DDX46: variants seen among roughly 807,000 people sequenced by gnomAD.
DDX46 encodes DEAD-box helicase 46, also known as probable ATP-dependent RNA helicase DDX46.
DDX46 carries 30 observed loss-of-function variants against 134.9 expected under a neutral mutation model. That is an observed-to-expected ratio of 0.22 (90% CI 0.17 to 0.30). DDX46 has a LOEUF of 0.30. Among genes scored for constraint, DDX46 ranks in the 10% least tolerant of loss-of-function variants. The pLI is 1.00. For synonymous variants in DDX46, 415 were observed against 404.1 expected, an observed-to-expected ratio of 1.03 and a Z score of -0.32; for missense variants, 622 against 1,248.7, an observed-to-expected ratio of 0.50 and a Z score of 7.56.
rs1357446188 is a variant in DDX46 at position 134,764,081 on chromosome 5, G to C, written c.195G>C (p.Arg65Ser). Reference protein sequence around the residue: ...RDKRRSRSRDRKRLRRSRSRE... With the variant: ...RDKRRSRSRDSKRLRRSRSRE... The stretch of plus-strand genomic sequence containing the variant: ...AAAGAAGATCTCGGTCAAGGGACAG[G>C]AAGCGTCTGAGGTAAGACATTAATT... Residue 65 changes from arginine (R) to serine (S), a missense_variant, in exon 2 of 23, where the codon AGG (arginine) becomes AGC (serine). By Grantham distance (110) the Arg-to-Ser change is moderately radical. Transcript: ENST00000452510. 1.9e-6 allele frequency: 3 copies of C among 1,612,500 alleles called. No individual in the cohort carries two copies. Among genetic ancestry groups the C allele is most frequent in the Non-Finnish European group, 2.5e-6 (3 of 1,179,284 alleles).
At chr5:134,781,091 T>A (rs1166838804) in intron 6 of DDX46, 42 bp from the exon 7 acceptor site, 1 of 1,434,594 alleles carries the variant, frequency 7.0e-7, no homozygotes, top group Non-Finnish European at 9.4e-7. Context: ...ATAACTTGTG[T>A]TTCAGCTTTG....
chr5:134,795,861 TC>T, intron 14 of DDX46, 126 bp from the exon 15 acceptor site: 1 of 890,118 alleles, frequency 1.1e-6, no homozygotes, highest in Non-Finnish European at 1.7e-6. Flanking sequence ...ATCAACATCT[TC>T]CTAGCCCTTG....
At chr5:134,761,952 GAAT>G (rs1753400102) in intron 1 of DDX46, among the ~76,000 whole-genome samples, 1 of 151,906 alleles carries the variant, frequency 6.6e-6, no homozygotes, top group African/African-American at 2.4e-5. Flanking sequence ...TCAGCAACCA[GAAT>G]AATACTTTAA....
chr5:134,765,521 C>G (rs1471549883), intron 2 of DDX46, among the ~76,000 whole-genome samples: 2 of 151,888 alleles, frequency 1.3e-5, no homozygotes, highest in East Asian at 1.9e-4. Context: ...CCACTGTACT[C>G]CAGCCTGGGC....
intron 1 of DDX46, among the ~76,000 whole-genome samples, chr5:134,759,248 T>C (rs1238657999): frequency 2.0e-5 from 3 of 152,256 alleles, no homozygotes; most frequent in African/African-American, 7.2e-5. Flanking sequence ...GAGCCTGCCC[T>C]GATTACTTCA....
chr5:134,774,160 C>T (rs527471984), intron 5 of DDX46, among the ~76,000 whole-genome samples: 25 of 152,116 alleles, frequency 1.6e-4, no homozygotes, highest in Admixed American at 4.6e-4. Context: ...TATTTTCTGT[C>T]TCTGAATTTG....
intron 15 of DDX46, among the ~76,000 whole-genome samples, chr5:134,801,982 A>T (rs1580806202): frequency 6.6e-6 from 1 of 151,668 alleles, no homozygotes; most frequent in African/African-American, 2.4e-5. Flanking sequence ...AGAATCTGTA[A>T]ATTTATGTCC....
chr5:134,770,575 G>A (rs191328285), intron 3 of DDX46, among the ~76,000 whole-genome samples: 1 of 152,130 alleles, frequency 6.6e-6, no homozygotes, highest in Non-Finnish European at 1.5e-5. Flanking sequence ...ACATTGAGAG[G>A]CTGAGGTGGG....
At chr5:134,782,233 C>A in intron 8 of DDX46, 147 bp downstream of exon 8, 1 of 880,872 alleles carries the variant, frequency 1.1e-6, no homozygotes, top group Non-Finnish European at 1.6e-6. Context: ...TGGCCAGCTG[C>A]GGTGGCTCAC....
rs369977056 is a variant in DDX46 at position 134,763,897 on chromosome 5, G to T, written c.18-7G>T. On this transcript the variant is annotated splice_polypyrimidine_tract_variant and splice_region_variant and intron_variant, in intron 1 of 22. Transcript: ENST00000452510. ...TGCTGAACTTAATCTTTGACTTATT[G>T]TTCTAGCCACTATCGAAAACGATCG... The T allele has an allele frequency of 1.2e-6, 2 of 1,612,770 alleles. No homozygotes were observed. Among genetic ancestry groups the T allele is most frequent in the African/African-American group, 2.7e-5 (2 of 74,882 alleles).
chr5:134,766,693 C>G (rs1271220932), intron 2 of DDX46, among the ~76,000 whole-genome samples: 1 of 152,174 alleles, frequency 6.6e-6, no homozygotes, highest in African/African-American at 2.4e-5. Context: ...TGCACTCCAG[C>G]CTGGGTGACA....
At chr5:134,817,087 T>C (rs1044090838) in intron 19 of DDX46, 1 of 182,246 alleles carries the variant, frequency 5.5e-6, no homozygotes, top group African/African-American at 2.4e-5. Context: ...CTATAACGTT[T>C]GTAATGTTGG....
At chr5:134,814,363 T>G (rs942140602) in intron 18 of DDX46, among the ~76,000 whole-genome samples, 1 of 152,156 alleles carries the variant, frequency 6.6e-6, no homozygotes, top group Non-Finnish European at 1.5e-5. Context: ...TAAAATACGG[T>G]GATTGTTTCT....
chr5:134,818,205 C>T (rs1271288227), intron 20 of DDX46, among the ~76,000 whole-genome samples: 3 of 151,398 alleles, frequency 2.0e-5, no homozygotes, highest in Admixed American at 1.3e-4. Flanking sequence ...GTCATCTGCC[C>T]GCCTCGGCCT....
intron 8 of DDX46, 28 bp downstream of exon 8, chr5:134,782,114 T>G: frequency 6.4e-7 from 1 of 1,564,098 alleles, no homozygotes; most frequent in Non-Finnish European, 8.6e-7. Context: ...CATTTACTGG[T>G]TATAAGGGAA....
At position 134,829,401 on chromosome 5, in the gene DDX46, C is replaced by T. The variant is rs1580827473; in HGVS notation, c.*695C>T. ...TCACAACTTCTGGCTCCATACCTAGCCCCTCTTTTATAATCTTCCTTAAAA... is the reference window on the plus strand; with the variant it reads ...TCACAACTTCTGGCTCCATACCTAGTCCCTCTTTTATAATCTTCCTTAAAA... On this transcript the variant is annotated 3_prime_UTR_variant, in exon 23 of 23. Transcript: ENST00000452510. 1 of 152,144 alleles carries T rather than the reference C, an allele frequency of 6.6e-6. No homozygotes were observed. Among genetic ancestry groups the T allele is most frequent in the South Asian group, 2.1e-4 (1 of 4,832 alleles). The allele number at this position is 152,144 out of a possible 1,614,324, so 9.4% of individuals were successfully genotyped here.
intron 3 of DDX46, among the ~76,000 whole-genome samples, chr5:134,767,453 A>G (rs1330173648): frequency 6.6e-6 from 1 of 151,980 alleles, no homozygotes; most frequent in Non-Finnish European, 1.5e-5. Context: ...CCTCTCACCT[A>G]GGCCTCCAAA....
At chr5:134,759,041 A>G (rs1437244957) in intron 1 of DDX46, 86 bp downstream of exon 1, 21 of 1,567,156 alleles carry the variant, frequency 1.3e-5, no homozygotes, top group Non-Finnish European at 1.7e-5. Context: ...CCGCCGGGCC[A>G]GGCCTGGCGC....
intron 6 of DDX46, among the ~76,000 whole-genome samples, chr5:134,780,258 T>C (rs944404869): frequency 2.7e-5 from 4 of 150,006 alleles, no homozygotes; most frequent in Non-Finnish European, 5.9e-5. Context: ...TATATTTTTA[T>C]ATATATTATT....
Sources: gnomAD v4.1 joint callset for allele counts (sites outside exome capture counted in the v4.1 genomes callset) on GRCh38, gnomAD v4.1.1 for gene constraint, MANE v1.5 for transcripts, NCBI Gene and HGNC (gene_info 2026-07-23, HGNC 2026-07-21) for gene names.